MAPKAPK2: variants seen among roughly 807,000 people sequenced by gnomAD.
The protein encoded by MAPKAPK2 is MAPK activated protein kinase 2.
MAPKAPK2 carries 9 observed loss-of-function variants against 48.8 expected under a neutral mutation model. The observed-to-expected ratio is 0.18, with a 90% confidence interval of 0.11 to 0.32. The LOEUF (loss-of-function observed/expected upper bound fraction) is 0.32. MAPKAPK2 is among the 10% of genes least tolerant of loss of function. The pLI is 1.00. For synonymous variants in MAPKAPK2, 202 were observed against 190.6 expected, an observed-to-expected ratio of 1.06 and a Z score of -0.49; for missense variants, 331 against 498.3, an observed-to-expected ratio of 0.66 and a Z score of 3.20.
chr1:206,703,414 G>T (rs1672857355), intron 1 of MAPKAPK2, among the ~76,000 whole-genome samples: 1 of 152,164 alleles, frequency 6.6e-6, no homozygotes, highest in South Asian at 2.1e-4. Context: ...TGGCGTATTG[G>T]CAGGAGATTG....
intron 1 of MAPKAPK2, among the ~76,000 whole-genome samples, chr1:206,722,526 TAAAATAAGCTAAAG>T (rs1304336289): frequency 6.6e-6 from 1 of 152,178 alleles, no homozygotes; most frequent in Admixed American, 6.5e-5. Flanking sequence ...TATTCTTGAA[TAAAATAAGCTAAAG>T]AAAATAAGCA....
intron 1 of MAPKAPK2, among the ~76,000 whole-genome samples, chr1:206,718,681 C>T (rs555048844): frequency 6.6e-6 from 1 of 152,170 alleles, no homozygotes; most frequent in African/African-American, 2.4e-5. Flanking sequence ...CGACACCGCA[C>T]GTTTTCCATT....
intron 1 of MAPKAPK2, among the ~76,000 whole-genome samples, chr1:206,722,365 C>CAAAAA (rs1245005648): frequency 5.3e-5 from 8 of 151,446 alleles, no homozygotes; most frequent in Non-Finnish European, 5.9e-5. Flanking sequence ...GTCTCAAAAA[C>CAAAAA]AAAAACAAAA....
At chr1:206,686,827 C>T (rs1295221412) in intron 1 of MAPKAPK2, among the ~76,000 whole-genome samples, 3 of 152,176 alleles carry the variant, frequency 2.0e-5, no homozygotes, top group African/African-American at 7.2e-5. Flanking sequence ...TGCTCTCATA[C>T]TCAACCCTGT....
chr1:206,687,157 G>A (rs932332150), intron 1 of MAPKAPK2, among the ~76,000 whole-genome samples: 1 of 152,116 alleles, frequency 6.6e-6, no homozygotes, highest in African/African-American at 2.4e-5. Flanking sequence ...TAGTAGTTTG[G>A]GGACACTGGC....
chr1:206,720,777 T>C lies in MAPKAPK2; in HGVS notation c.280-7933T>C, dbSNP rs140703445. On this transcript the variant is annotated intron_variant, in intron 1 of 9. Coordinates refer to ENST00000367103, the MANE Select transcript of MAPKAPK2 (RefSeq NM_032960.4). ...CATCAGACATGTTTTGATAATGAAATTTAAAGAAAGTACACATTGGGATTT... is the reference window on the plus strand; with the variant it reads ...CATCAGACATGTTTTGATAATGAAACTTAAAGAAAGTACACATTGGGATTT... Among the ~76,000 whole-genome samples the C allele has an allele frequency of 3.0e-3, 458 of 152,264 alleles. 4 individuals are homozygous for C. Among genetic ancestry groups the C allele is most frequent in the African/African-American group, 0.01 (432 of 41,548 alleles).
chr1:206,730,870 G>GA, intron 6 of MAPKAPK2, 107 bp downstream of exon 6: 1 of 1,251,536 alleles, frequency 8.0e-7, no homozygotes, highest in South Asian at 1.2e-5. Context: ...TTGTACAGGG[G>GA]AGTCCCCTGC....
intron 1 of MAPKAPK2, among the ~76,000 whole-genome samples, chr1:206,707,086 G>C (rs1453426255): frequency 6.6e-6 from 1 of 152,160 alleles, no homozygotes; most frequent in Non-Finnish European, 1.5e-5. Context: ...TCTTCTTCTT[G>C]TTGGGCCTCC....
chr1:206,696,315 CT>C, intron 1 of MAPKAPK2: 1 of 830,312 alleles, frequency 1.2e-6, no homozygotes. Flanking sequence ...CAAGGCACCT[CT>C]TTAGATATCG....
At chr1:206,689,125 T>C (rs782371836) in intron 1 of MAPKAPK2, among the ~76,000 whole-genome samples, 7 of 152,236 alleles carry the variant, frequency 4.6e-5, no homozygotes, top group Non-Finnish European at 7.3e-5. Context: ...GTGAAGCATG[T>C]TACTGCTTTA....
chr1:206,722,320 A>G (rs1293662046), intron 1 of MAPKAPK2, among the ~76,000 whole-genome samples: 2 of 152,204 alleles, frequency 1.3e-5, no homozygotes, highest in African/African-American at 2.4e-5. Flanking sequence ...AGATCGTGCC[A>G]CTGCACTCCA....
At chr1:206,687,741 A>G (rs782386834) in intron 1 of MAPKAPK2, among the ~76,000 whole-genome samples, 6 of 152,240 alleles carry the variant, frequency 3.9e-5, no homozygotes, top group African/African-American at 9.6e-5. Flanking sequence ...ATGGTTTTCA[A>G]AACCAGAAGT....
intron 4 of MAPKAPK2, 26 bp downstream of exon 4, chr1:206,729,501 C>T (rs1673827265): frequency 6.2e-7 from 1 of 1,603,318 alleles, no homozygotes; most frequent in Non-Finnish European, 8.5e-7. Context: ...AACCCTGAGC[C>T]CGAGTGCTGT....
intron 1 of MAPKAPK2, among the ~76,000 whole-genome samples, chr1:206,703,540 A>G (rs1553428167): frequency 6.6e-6 from 1 of 152,180 alleles, no homozygotes; most frequent in Admixed American, 6.5e-5. Context: ...CCCAATTTCT[A>G]TAGATTGGAC....
rs959719368 is a variant in MAPKAPK2, at chr1:206,699,830, G to C, written c.279+14322G>C. ...GGGCTTGGGATGGAGCTGACCGTTA[G>C]TGCAGATGGGAAAGTGAAGCAATGG... is the stretch of plus-strand genomic sequence containing the variant. On this transcript the variant is annotated intron_variant, in intron 1 of 9. Transcript: ENST00000367103. Among the ~76,000 whole-genome samples the C allele has an allele frequency of 3.9e-5, 6 of 152,266 alleles. No homozygotes were observed. In the South Asian group the frequency reaches 1.2e-3, roughly 32 times the overall value.
Position 206,731,405 on chromosome 1 carries a change from G to C in MAPKAPK2, c.892+143G>C. ...GTTAGCACCTATGCCCACGCCTGCGGGGTGCGTCCTGCTTCATTTTGCCTG... is the reference window on the plus strand; with the variant it reads ...GTTAGCACCTATGCCCACGCCTGCGCGGTGCGTCCTGCTTCATTTTGCCTG... On this transcript the variant is annotated intron_variant, in intron 7 of 9. Coordinates refer to ENST00000367103, the MANE Select transcript of MAPKAPK2 (RefSeq NM_032960.4). This position sits in a 1 kb window ranked among gnomAD's most constrained non-coding sequence, Gnocchi z 5.9. 1.4e-6 allele frequency: 2 copies of C among 1,457,652 alleles called. No individual in the cohort carries two copies. Among genetic ancestry groups the C allele is most frequent in the Non-Finnish European group, 9.3e-7 (1 of 1,080,596 alleles). 90.3% of individuals were successfully genotyped at this position (1,457,652 alleles called of 1,614,324 possible). A position where few individuals can be genotyped will look rare whatever the true frequency, so the allele number is the denominator to read the frequency against.
intron 1 of MAPKAPK2, among the ~76,000 whole-genome samples, chr1:206,720,773 G>A (rs1349791100): frequency 2.0e-5 from 3 of 152,128 alleles, no homozygotes; most frequent in African/African-American, 7.2e-5. Context: ...TTTTGATAAT[G>A]AAATTTAAAG....
intron 1 of MAPKAPK2, among the ~76,000 whole-genome samples, chr1:206,724,473 A>C (rs1673642851): frequency 6.7e-6 from 1 of 150,182 alleles, no homozygotes; most frequent in African/African-American, 2.5e-5. Flanking sequence ...AAGGGCTTTC[A>C]TTGCTTGGGT....
At chr1:206,718,532 CAAAAAA>C (rs60964142) in intron 1 of MAPKAPK2, among the ~76,000 whole-genome samples, 3,283 of 114,598 alleles carry the variant, frequency 0.029, 53 homozygotes, top group Non-Finnish European at 0.035. Context: ...GACTCCATCT[CAAAAAA>C]AAAAAAAAAA....
Sources: gnomAD v4.1 joint callset for allele counts (sites outside exome capture counted in the v4.1 genomes callset) on GRCh38, gnomAD v4.1.1 for gene constraint, Gnocchi (gnomAD v3.1) non-coding constraint, MANE v1.5 for transcripts, NCBI Gene and HGNC (gene_info 2026-07-23, HGNC 2026-07-21) for gene names.